The following HAPLN1 variants were observed in gnomAD, a reference collection of about 807,000 sequenced individuals.
HAPLN1 encodes Cartilage link protein.
Under a neutral mutation model 36.5 loss-of-function variants are expected in HAPLN1, and 13 were observed. The observed-to-expected ratio is 0.36, with a 90% CI of 0.23 to 0.57. The LOEUF (loss-of-function observed/expected upper bound fraction) is 0.57. Ranked by LOEUF, HAPLN1 falls within the 20% of genes least tolerant of loss-of-function variation. The pLI, the probability that HAPLN1 is intolerant of heterozygous loss-of-function variation, is 0.83. For missense variants in HAPLN1, 407 were observed against 439.7 expected (o/e 0.93, Z 0.66); for synonymous variants, 202 against 169.8 (o/e 1.19, Z -1.48).
intron 1 of HAPLN1, among the ~76,000 whole-genome samples, chr5:83,689,666 G>T (rs1341969108): frequency 6.6e-6 from 1 of 151,924 alleles, no homozygotes; most frequent in Non-Finnish European, 1.5e-5. Flanking sequence ...GCTAAATAAT[G>T]GCCAATTTTC....
At chr5:83,718,439 C>T (rs1368158394) in intron 1 of HAPLN1, among the ~76,000 whole-genome samples, 1 of 152,160 alleles carries the variant, frequency 6.6e-6, no homozygotes, top group African/African-American at 2.4e-5. Flanking sequence ...CCACCACAGA[C>T]CCTCCCATTC....
chr5:83,655,232 A>G (rs1750179599), intron 2 of HAPLN1, among the ~76,000 whole-genome samples: 1 of 152,232 alleles, frequency 6.6e-6, no homozygotes, highest in Non-Finnish European at 1.5e-5. Flanking sequence ...TAAATGTTTT[A>G]TAAATTAAAG....
Position 83,692,476 on chromosome 5 carries a change from G to A in HAPLN1, c.-26-18927C>T, listed in dbSNP as rs1751301140. Among the ~76,000 whole-genome samples the A allele has an allele frequency of 1.3e-5, 2 of 151,906 alleles. 1 individual carries two copies. The highest frequency in any genetic ancestry group is 4.1e-4 in the South Asian group (2 of 4,834). On this transcript the variant is annotated intron_variant, in intron 1 of 4. Coordinates refer to ENST00000274341, the MANE Select transcript of HAPLN1 (RefSeq NM_001884.4). The stretch of plus-strand genomic sequence containing the variant: ...AAAGCAAGCAAGAAGACTGTGGAAT[G>A]AGATCTTTAAAGTACTGAAAGAAAA...
intron 3 of HAPLN1, 49 bp from the exon 4 acceptor site, chr5:83,644,714 A>C: frequency 7.5e-7 from 1 of 1,340,326 alleles, no homozygotes; most frequent in Non-Finnish European, 9.7e-7. Flanking sequence ...AAAACTAACA[A>C]CTCTGAGCAA....
At chr5:83,714,115 C>A (rs975479475) in intron 1 of HAPLN1, among the ~76,000 whole-genome samples, 1 of 152,122 alleles carries the variant, frequency 6.6e-6, no homozygotes, top group Non-Finnish European at 1.5e-5. Context: ...CCATGTTCTG[C>A]ACTGTGCTGG....
chr5:83,676,794 C>A (rs1750870404), intron 1 of HAPLN1, among the ~76,000 whole-genome samples: 1 of 152,178 alleles, frequency 6.6e-6, no homozygotes, highest in Non-Finnish European at 1.5e-5. Flanking sequence ...AGTTCACCTG[C>A]AATTCACACA....
chr5:83,708,043 A>G (rs1751690718), intron 1 of HAPLN1, among the ~76,000 whole-genome samples: 1 of 152,246 alleles, frequency 6.6e-6, no homozygotes, highest in Non-Finnish European at 1.5e-5. Context: ...AATGGCTATA[A>G]TTAAGAAGTC....
chr5:83,689,611 T>G (rs1262783283), intron 1 of HAPLN1, among the ~76,000 whole-genome samples: 2 of 152,108 alleles, frequency 1.3e-5, no homozygotes, highest in Non-Finnish European at 2.9e-5. Context: ...AGGGCACATA[T>G]GGGGTGATTT....
At chr5:83,689,474 C>G (rs1751219732) in intron 1 of HAPLN1, among the ~76,000 whole-genome samples, 1 of 151,522 alleles carries the variant, frequency 6.6e-6, no homozygotes, top group Non-Finnish European at 1.5e-5. Context: ...ACTTTTTTTT[C>G]ACTCCCCAGA....
chr5:83,682,135 A>G (rs1002916435), intron 1 of HAPLN1, among the ~76,000 whole-genome samples: 9 of 152,222 alleles, frequency 5.9e-5, no homozygotes, highest in Admixed American at 1.3e-4. Flanking sequence ...CAAAATTTCA[A>G]CAGCTGTCAG....
chr5:83,694,881 A>G (rs968515836), intron 1 of HAPLN1, among the ~76,000 whole-genome samples: 2 of 152,164 alleles, frequency 1.3e-5, no homozygotes, highest in African/African-American at 4.8e-5. Flanking sequence ...CTTAGATTAA[A>G]TTGAAGAGGA....
chr5:83,712,618 TAGA>T (rs1312852176), intron 1 of HAPLN1, among the ~76,000 whole-genome samples: 2 of 152,188 alleles, frequency 1.3e-5, no homozygotes, highest in African/African-American at 4.8e-5. Context: ...CATTGGCCTG[TAGA>T]AGGAGAGTGT....
At chr5:83,663,571 G>A (rs112777857) in intron 2 of HAPLN1, among the ~76,000 whole-genome samples, 12 of 152,248 alleles carry the variant, frequency 7.9e-5, no homozygotes, top group African/African-American at 2.9e-4. Flanking sequence ...TCCTGAGCAT[G>A]AAACTAGTAA....
chr5:83,697,945 G>T (rs980583170), intron 1 of HAPLN1, among the ~76,000 whole-genome samples: 2 of 151,986 alleles, frequency 1.3e-5, no homozygotes, highest in Admixed American at 6.6e-5. Flanking sequence ...ACTAGCATAA[G>T]ATTTGCAAAT....
At chr5:83,663,201 G>A (rs1305856797) in intron 2 of HAPLN1, among the ~76,000 whole-genome samples, 1 of 152,174 alleles carries the variant, frequency 6.6e-6, no homozygotes, top group Non-Finnish European at 1.5e-5. Flanking sequence ...TGTCTTAAGA[G>A]GATGAAGGCT....
chr5:83,666,860 A>G (rs1750565245), intron 2 of HAPLN1, among the ~76,000 whole-genome samples: 1 of 152,128 alleles, frequency 6.6e-6, no homozygotes, highest in South Asian at 2.1e-4. Context: ...AGTGTTTTGC[A>G]TGGAGGTGGC....
chr5:83,700,921 T>G (rs981767814), intron 1 of HAPLN1, among the ~76,000 whole-genome samples: 2 of 152,228 alleles, frequency 1.3e-5, no homozygotes, highest in Non-Finnish European at 2.9e-5. Context: ...TTTATTTTCC[T>G]TATCTCTGGT....
intron 2 of HAPLN1, among the ~76,000 whole-genome samples, chr5:83,664,852 T>C (rs990949143): frequency 6.6e-6 from 1 of 152,208 alleles, no homozygotes; most frequent in Non-Finnish European, 1.5e-5. Context: ...TAAAATGCTG[T>C]TACCATATGC....
At chr5:83,650,641 T>G (rs1750029395) in intron 3 of HAPLN1, among the ~76,000 whole-genome samples, 2 of 148,300 alleles carry the variant, frequency 1.3e-5, no homozygotes, top group Admixed American at 1.3e-4. Context: ...TCTTTTTTTT[T>G]TTTTTTTTTT....
Sources: gnomAD v4.1 joint callset for allele counts (sites outside exome capture counted in the v4.1 genomes callset) on GRCh38, gnomAD v4.1.1 for gene constraint, MANE v1.5 for transcripts, NCBI Gene and HGNC (gene_info 2026-07-23, HGNC 2026-07-21) for gene names.